SASH1: variants seen among roughly 807,000 people sequenced by gnomAD.
SASH1 encodes the protein SAM and SH3 domain-containing protein 1.
Under a neutral mutation model 125.2 loss-of-function variants are expected in SASH1, and 44 were observed. The ratio of observed to expected loss-of-function variants is 0.35; its 90% CI spans 0.28 to 0.45. The LOEUF (loss-of-function observed/expected upper bound fraction) is 0.45, where lower values mean the gene tolerates loss of function less well. SASH1 is among the 20% of genes least tolerant of loss of function. The pLI, the probability that SASH1 is intolerant of heterozygous loss-of-function variation, is 1.00. For synonymous variants in SASH1, 639 were observed against 649.1 expected (o/e 0.98, Z 0.24); for missense variants, 1,426 against 1,614.5 (o/e 0.88, Z 2.00).
intron 2 of SASH1, among the ~76,000 whole-genome samples, chr6:148,402,455 G>A (rs939648135): frequency 1.4e-4 from 21 of 151,862 alleles, no homozygotes; most frequent in East Asian, 3.9e-4. Context: ...GATTACAGGC[G>A]TGTACCACCA....
chr6:148,398,751 G>T lies in SASH1; in HGVS notation c.285+8489G>T, dbSNP rs1784052066. Among the ~76,000 whole-genome samples, 3 of 152,280 alleles carry T rather than the reference G, an allele frequency of 2.0e-5. No individual in the cohort carries two copies. In the South Asian group the frequency reaches 6.2e-4, roughly 32 times the overall value. ...TTGGGCTACAGCTGATTTGAAGATG[G>T]TGATCAGTATCTGTGGGCATTAGAT... On this transcript the variant is annotated intron_variant, in intron 2 of 19. Coordinates refer to ENST00000367467, the MANE Select transcript of SASH1 (RefSeq NM_015278.5).
intron 1 of SASH1, among the ~76,000 whole-genome samples, chr6:148,277,507 C>G (rs1779219134): frequency 6.6e-6 from 1 of 152,170 alleles, no homozygotes; most frequent in South Asian, 2.1e-4. Flanking sequence ...TGATCTCAGC[C>G]TCCCATATAA....
the SASH1 span, among the ~76,000 whole-genome samples, chr6:148,194,920 A>G: frequency 6.6e-6 from 1 of 152,230 alleles, no homozygotes; most frequent in Admixed American, 6.5e-5. Context: ...CAAAACAAAA[A>G]AAGAATGTTC....
In SASH1 at chr6:148,489,444, A is replaced by G. The variant is rs550905433; in HGVS notation, c.729+1729A>G. Among the ~76,000 whole-genome samples the G allele has an allele frequency of 1.2e-3, 183 of 152,288 alleles. 1 individual carries two copies. The highest frequency in any genetic ancestry group is 4.3e-3 in the African/African-American group (178 of 41,570). On this transcript the variant is annotated intron_variant, in intron 8 of 19. Coordinates refer to ENST00000367467, the MANE Select transcript of SASH1 (RefSeq NM_015278.5). The stretch of plus-strand genomic sequence containing the variant: ...CTAGTTTTTTAAGGTTGTTTTGGCT[A>G]TTTAAAGGTTCCTTGAGATTCCACA...
At position 148,387,605 on chromosome 6, in the gene SASH1, T is replaced by TTCC. The variant is rs1562371073; in HGVS notation, c.157-2528_157-2527insCCT. Reference sequence around the variant, plus strand: ...CTTTCTTTCTTTCTTTCTTTCTTTCTTTCTTTCTTTCTTTCTTTCTTTCTT... The same window carrying TTCC: ...CTTTCTTTCTTTCTTTCTTTCTTTCTTCCTTCTTTCTTTCTTTCTTTCTTTCTT... On this transcript the variant is annotated intron_variant, in intron 1 of 19. Transcript: ENST00000367467. Among the ~76,000 whole-genome samples the TTCC allele has an allele frequency of 2.3e-3, 56 of 24,414 alleles. 3 individuals carry two copies. Among genetic ancestry groups the TTCC allele is most frequent in the African/African-American group, 7.3e-3 (33 of 4,492 alleles). The allele number at this position is 24,414 out of a possible 152,430, so 16.0% of individuals were successfully genotyped here. A position where few individuals can be genotyped will look rare whatever the true frequency, so the allele number is the denominator to read the frequency against.
intron 4 of SASH1, among the ~76,000 whole-genome samples, chr6:148,463,997 A>G (rs1777730260): frequency 6.6e-6 from 1 of 152,242 alleles, no homozygotes; most frequent in African/African-American, 2.4e-5. Context: ...GAATAAATAA[A>G]TACTGAATGA....
chr6:148,301,566 T>C (rs975125298), intron 1 of SASH1, among the ~76,000 whole-genome samples: 8 of 151,226 alleles, frequency 5.3e-5, no homozygotes, highest in African/African-American at 1.9e-4. Context: ...GTGCCCAACC[T>C]GGGGTTTTTC....
intron 8 of SASH1, among the ~76,000 whole-genome samples, chr6:148,511,324 TACACACAC>T (rs58822082): frequency 0.13 from 17,817 of 135,298 alleles, 1,164 homozygotes; most frequent in East Asian, 0.17. Context: ...AATTTTCTAT[TACACACAC>T]ACACACACAC....
the SASH1 span, among the ~76,000 whole-genome samples, chr6:148,219,844 C>T: frequency 6.6e-6 from 1 of 152,154 alleles, no homozygotes; most frequent in African/African-American, 2.4e-5. Flanking sequence ...AGGCTCTTTA[C>T]AGCACAGGTG....
the SASH1 span, among the ~76,000 whole-genome samples, chr6:148,258,126 C>T: frequency 6.6e-6 from 1 of 151,874 alleles, no homozygotes; most frequent in African/African-American, 2.4e-5. Flanking sequence ...ACTATGTTGC[C>T]CAAGCTGGCC....
chr6:148,499,905 A>G (rs934961661), intron 8 of SASH1, among the ~76,000 whole-genome samples: 1 of 152,158 alleles, frequency 6.6e-6, no homozygotes, highest in Non-Finnish European at 1.5e-5. Flanking sequence ...CTTTAAATTT[A>G]TATAATTTAT....
intron 4 of SASH1, among the ~76,000 whole-genome samples, chr6:148,441,865 G>A (rs1212678013): frequency 6.6e-6 from 1 of 152,128 alleles, no homozygotes; most frequent in Non-Finnish European, 1.5e-5. Context: ...GGCTCTTGTG[G>A]CTGAGAGAGA....
intron 1 of SASH1, among the ~76,000 whole-genome samples, chr6:148,384,558 A>G (rs1184439122): frequency 2.0e-5 from 3 of 152,206 alleles, no homozygotes; most frequent in Admixed American, 6.6e-5. Context: ...AGATGGCAGC[A>G]TGCGATCCTA....
In SASH1 at chr6:148,451,801, G is replaced by T. The variant is rs76838440; in HGVS notation, c.386+11394G>T. Among the ~76,000 whole-genome samples, 802 of 152,178 alleles carry T rather than the reference G, an allele frequency of 5.3e-3. 7 individuals are homozygous for T. Among genetic ancestry groups the T allele is most frequent in the African/African-American group, 0.018 (750 of 41,416 alleles). On this transcript the variant is annotated intron_variant, in intron 4 of 19. Transcript: ENST00000367467. ...TCAGTGAAAAGGGCTGATGAGGTCT[G>T]TGAGTTTGCTAGGAAATCCAGGTCA...
Position 148,382,280 on chromosome 6 carries a change from G to A in SASH1, c.157-7854G>A, listed in dbSNP as rs576937747. On this transcript the variant is annotated intron_variant, in intron 1 of 19. Coordinates refer to ENST00000367467, the MANE Select transcript of SASH1 (RefSeq NM_015278.5). ...CCAGATCTCCGCCTTCTGTGTCCTC[G>A]GCCATGTGTGCAGGTCCATTGTGAA... is the stretch of plus-strand genomic sequence containing the variant. 2.0e-5 allele frequency among the ~76,000 whole-genome samples: 3 copies of A among 152,130 alleles called. No individual in the cohort carries two copies. The East Asian group carries it at 5.8e-4, about 30-fold the overall frequency.
At chr6:148,374,714 G>C (rs1782824912) in intron 1 of SASH1, among the ~76,000 whole-genome samples, 2 of 151,402 alleles carry the variant, frequency 1.3e-5, no homozygotes, top group South Asian at 4.2e-4. Context: ...TGGGGGGGGG[G>C]GAGATGGAGT....
intron 8 of SASH1, chr6:148,509,242 T>G (rs1345134045): frequency 4.0e-6 from 1 of 248,666 alleles, no homozygotes; most frequent in Admixed American, 5.2e-5. Context: ...TCTCTTAAGT[T>G]TAAGATTAAC....
At chr6:148,518,690 C>T (rs1780616016) in intron 9 of SASH1, among the ~76,000 whole-genome samples, 1 of 152,180 alleles carries the variant, frequency 6.6e-6, no homozygotes, top group South Asian at 2.1e-4. Context: ...ATCGCTACAC[C>T]CACAGTTTGA....
intron 4 of SASH1, among the ~76,000 whole-genome samples, chr6:148,449,589 G>C (rs1776994772): frequency 6.6e-6 from 1 of 151,924 alleles, no homozygotes; most frequent in African/African-American, 2.4e-5. Flanking sequence ...GTTTCTCCAT[G>C]TTGGTCAGCC....
Sources: gnomAD v4.1 joint callset for allele counts (sites outside exome capture counted in the v4.1 genomes callset) on GRCh38, gnomAD v4.1.1 for gene constraint, MANE v1.5 for transcripts, NCBI Gene and HGNC (gene_info 2026-07-23, HGNC 2026-07-21) for gene names.